Variants in RBPMS observed in about 807,000 individuals in gnomAD.
RBPMS encodes the protein RNA binding protein, mRNA processing factor.
RBPMS carries 7 observed loss-of-function variants against 26.8 expected under a neutral mutation model. The ratio of observed to expected loss-of-function variants is 0.26; its 90% confidence interval spans 0.15 to 0.49. The LOEUF (loss-of-function observed/expected upper bound fraction) is 0.49. Among genes scored for constraint, RBPMS ranks in the 20% least tolerant of loss-of-function variants. RBPMS has a pLI of 0.98. For missense variants in RBPMS, 186 were observed against 250.0 expected, an observed-to-expected ratio of 0.74 and a Z score of 1.73; for synonymous variants, 96 against 93.3, an observed-to-expected ratio of 1.03 and a Z score of -0.17.
chr8:30,477,459 C>G (rs1054856644), intron 2 of RBPMS, among the ~76,000 whole-genome samples: 12 of 152,202 alleles, frequency 7.9e-5, no homozygotes, highest in African/African-American at 2.9e-4. Context: ...TTGCCTATTT[C>G]TGTAAAACTC....
At chr8:30,547,405 G>A (rs1825959554) in intron 6 of RBPMS, 1 of 1,601,426 alleles carries the variant, frequency 6.2e-7, no homozygotes, top group Admixed American at 1.8e-5. Flanking sequence ...CAGACCAGCA[G>A]AGGGAGCTCC....
At chr8:30,451,825 G>T (rs764236828) in intron 1 of RBPMS, among the ~76,000 whole-genome samples, 3 of 152,004 alleles carry the variant, frequency 2.0e-5, no homozygotes, top group Non-Finnish European at 4.4e-5. Flanking sequence ...TATCTTTTAG[G>T]GACTGGGGGA....
rs943580114 is a variant in RBPMS at position 30,434,267 on chromosome 8, G to C, written c.67-40512G>C. ...AATTCTGTGGTTGATATTAGGTCCA[G>C]TACTGGGGATCTGTGATTTTTTAAT... On this transcript the variant is annotated intron_variant, in intron 1 of 8. Transcript: ENST00000397323. Among the ~76,000 whole-genome samples, 4 of 152,290 alleles carry C rather than the reference G, an allele frequency of 2.6e-5. No individual in the cohort carries two copies. The East Asian group carries it at 7.7e-4, about 29-fold the overall frequency.
intron 8 of RBPMS, among the ~76,000 whole-genome samples, chr8:30,567,041 G>A (rs1016362703): frequency 2.0e-5 from 3 of 152,220 alleles, no homozygotes; most frequent in South Asian, 2.1e-4. Context: ...TCCCAGAGGT[G>A]ACCTTGCTGT....
chr8:30,455,007 G>A (rs1189419299), intron 1 of RBPMS, among the ~76,000 whole-genome samples: 1 of 152,214 alleles, frequency 6.6e-6, no homozygotes, highest in Non-Finnish European at 1.5e-5. Context: ...ATTTTTAGAA[G>A]AGACGGGGTT....
At chr8:30,442,758 G>T (rs1217681409) in intron 1 of RBPMS, 1 of 152,074 alleles carries the variant, frequency 6.6e-6, no homozygotes, top group Non-Finnish European at 1.5e-5. Context: ...AGTCTCCTGG[G>T]CCCGAACCGG....
intron 8 of RBPMS, among the ~76,000 whole-genome samples, chr8:30,568,958 TCCTG>T (rs1357240438): frequency 2.0e-5 from 3 of 149,828 alleles, no homozygotes; most frequent in African/African-American, 5.1e-5. Flanking sequence ...CCCGCCCTCC[TCCTG>T]CCTATGTTCC....
Position 30,564,129 on chromosome 8 carries a change from A to G in RBPMS, c.*8-2128A>G, listed in dbSNP as rs1460400837. 2.6e-5 allele frequency: 4 copies of G among 152,190 alleles called. No homozygotes were observed. The East Asian group carries it at 7.7e-4, about 29-fold the overall frequency. 9.4% of individuals were successfully genotyped at this position (152,190 alleles called of 1,614,324 possible). ...AGCACTTCTGGTGCCTTCTGCTTCA[A>G]GTTAGCAAAGCAGGCAGGGTCCGCC... is the stretch of plus-strand genomic sequence containing the variant. On this transcript the variant is annotated intron_variant, in intron 7 of 8. Coordinates refer to ENST00000397323, the MANE Select transcript of RBPMS (RefSeq NM_001008710.3).
At chr8:30,390,271 C>G (rs1031837734) in intron 1 of RBPMS, among the ~76,000 whole-genome samples, 1 of 152,240 alleles carries the variant, frequency 6.6e-6, no homozygotes, top group Non-Finnish European at 1.5e-5. Context: ...GTTTTGCTCA[C>G]AAGCCTAGCG....
chr8:30,466,315 A>C (rs537927938), intron 1 of RBPMS, among the ~76,000 whole-genome samples: 1 of 152,346 alleles, frequency 6.6e-6, no homozygotes, highest in East Asian at 1.9e-4. Flanking sequence ...TGGTAGGCTA[A>C]GGTATGAAGA....
At chr8:30,431,373 C>T (rs184297768) in intron 1 of RBPMS, among the ~76,000 whole-genome samples, 136 of 62,424 alleles carry the variant, frequency 2.2e-3, no homozygotes, top group African/African-American at 4.4e-3. Flanking sequence ...CTTTCTTTCT[C>T]TCTCTTTCTT....
At chr8:30,474,494 A>T (rs928437617) in intron 1 of RBPMS, among the ~76,000 whole-genome samples, 1 of 152,300 alleles carries the variant, frequency 6.6e-6, no homozygotes, top group Middle Eastern at 3.4e-3. Context: ...AATCAACTAG[A>T]TGTAATTCAC....
At chr8:30,437,079 TGCCCGCTA>T (rs1812538301) in intron 1 of RBPMS, among the ~76,000 whole-genome samples, 1 of 151,652 alleles carries the variant, frequency 6.6e-6, no homozygotes, top group South Asian at 2.1e-4. Context: ...CCCGCCACCA[TGCCCGCTA>T]ATTTTTTGTA....
At chr8:30,463,138 G>A (rs1282386075) in intron 1 of RBPMS, among the ~76,000 whole-genome samples, 1 of 152,132 alleles carries the variant, frequency 6.6e-6, no homozygotes, top group African/African-American at 2.4e-5. Context: ...AACATTGTAA[G>A]CCACCTTATA....
chr8:30,456,937 A>C (rs1815287725), intron 1 of RBPMS, among the ~76,000 whole-genome samples: 1 of 152,218 alleles, frequency 6.6e-6, no homozygotes, highest in African/African-American at 2.4e-5. Flanking sequence ...ACAAAGAAAC[A>C]ACAGAACTTT....
chr8:30,420,402 T>C (rs779239368), intron 1 of RBPMS, among the ~76,000 whole-genome samples: 17 of 152,174 alleles, frequency 1.1e-4, no homozygotes, highest in African/African-American at 1.7e-4. Context: ...GCTGGACTTA[T>C]AAACATACAT....
chr8:30,431,712 A>G (rs1437473078), intron 1 of RBPMS, among the ~76,000 whole-genome samples: 1 of 152,030 alleles, frequency 6.6e-6, no homozygotes, highest in Non-Finnish European at 1.5e-5. Context: ...TCGTCCTCCC[A>G]AAGTGTTGGG....
intron 1 of RBPMS, among the ~76,000 whole-genome samples, chr8:30,468,252 A>T (rs1816725144): frequency 6.6e-6 from 1 of 152,200 alleles, no homozygotes; most frequent in Non-Finnish European, 1.5e-5. Flanking sequence ...ATTATCATAA[A>T]TTAAAATGTG....
chr8:30,532,272 G>C (rs763972682), intron 5 of RBPMS, among the ~76,000 whole-genome samples: 31 of 152,148 alleles, frequency 2.0e-4, no homozygotes, highest in Non-Finnish European at 4.1e-4. Flanking sequence ...CCTCCCTCTG[G>C]TAGGTAATGA....
Sources: allele counts gnomAD v4.1 joint callset (sites outside exome capture counted in the v4.1 genomes callset), GRCh38; gene constraint gnomAD v4.1.1; transcripts MANE v1.5; gene names NCBI Gene and HGNC (gene_info 2026-07-23, HGNC 2026-07-21).